NME7: variants seen among roughly 807,000 people sequenced by gnomAD.
The protein encoded by NME7 is nucleoside diphosphate kinase 7.
Under a neutral mutation model 49.1 loss-of-function variants are expected in NME7, and 41 were observed. The observed-to-expected ratio is 0.83, with a 90% CI of 0.65 to 1.08. The LOEUF is 1.08. Among genes scored for constraint, NME7 ranks in the 50% least tolerant of loss-of-function variants. The probability of loss-of-function intolerance (pLI) is 0.00; values close to 1 mark genes in which losing one functional copy is unlikely to be tolerated. For missense variants in NME7, 423 were observed against 463.4 expected (o/e 0.91, Z 0.80); for synonymous variants, 139 against 150.6 (o/e 0.92, Z 0.56).
chr1:169,147,642 T>G (rs867879610), intron 11 of NME7, among the ~76,000 whole-genome samples: 3 of 152,178 alleles, frequency 2.0e-5, no homozygotes, highest in Non-Finnish European at 2.9e-5. Context: ...AAGAAAGAGT[T>G]AATGCAAATA....
At chr1:169,315,712 A>G (rs1651597163) in intron 3 of NME7, among the ~76,000 whole-genome samples, 1 of 152,236 alleles carries the variant, frequency 6.6e-6, no homozygotes, top group Non-Finnish European at 1.5e-5. Context: ...ACAAAAAGAG[A>G]AAAACAAATC....
At chr1:169,146,384 T>C (rs1357267456) in intron 11 of NME7, among the ~76,000 whole-genome samples, 3 of 152,192 alleles carry the variant, frequency 2.0e-5, no homozygotes, top group Non-Finnish European at 2.9e-5. Flanking sequence ...TAAGCAAAAA[T>C]GAATGTATTT....
chr1:169,234,720 G>A (rs1179073759), intron 9 of NME7, among the ~76,000 whole-genome samples: 3 of 152,082 alleles, frequency 2.0e-5, no homozygotes, highest in African/African-American at 7.2e-5. Flanking sequence ...TGACTCTACA[G>A]AGGGGGAAGA....
In NME7 at chr1:169,158,572, C is replaced by T. The variant is rs1023124256; in HGVS notation, c.1098+10875G>A. 2.0e-5 allele frequency among the ~76,000 whole-genome samples: 3 copies of T among 152,172 alleles called. No homozygotes were observed. The East Asian group carries it at 5.8e-4, about 29-fold the overall frequency. ...GGAGCTCATACCAGACCTCCTTAAC[C>T]AGAATCTTCTATAATAGGGCTCTAG... On this transcript the variant is annotated intron_variant, in intron 11 of 11. Transcript: ENST00000367811.
chr1:169,172,136 CAT>C (rs1347250245), intron 10 of NME7, among the ~76,000 whole-genome samples: 1 of 152,120 alleles, frequency 6.6e-6, no homozygotes, highest in Non-Finnish European at 1.5e-5. Flanking sequence ...GCCTTGCATC[CAT>C]ATGTCTGATG....
intron 11 of NME7, among the ~76,000 whole-genome samples, chr1:169,147,913 C>A (rs766565644): frequency 1.3e-5 from 2 of 152,236 alleles, no homozygotes; most frequent in African/African-American, 2.4e-5. Context: ...ACTTCTTTCA[C>A]AATTATCTCA....
At chr1:169,307,164 G>A (rs12026996) in intron 4 of NME7, among the ~76,000 whole-genome samples, 17,871 of 152,228 alleles carry the variant, frequency 0.12, 1,151 homozygotes, top group African/African-American at 0.16. Flanking sequence ...GCTATATCGT[G>A]ACCCTGTGAC....
intron 10 of NME7, among the ~76,000 whole-genome samples, chr1:169,175,620 T>C (rs1293368603): frequency 6.6e-6 from 1 of 152,156 alleles, no homozygotes; most frequent in Admixed American, 6.5e-5. Context: ...ATCAGCATCC[T>C]ATATGCAGTC....
At chr1:169,138,060 C>T (rs1001910359) in intron 11 of NME7, among the ~76,000 whole-genome samples, 1 of 152,168 alleles carries the variant, frequency 6.6e-6, no homozygotes, top group Non-Finnish European at 1.5e-5. Context: ...CCTGTAATCC[C>T]AGCACTTTGG....
At chr1:169,230,424 T>C (rs1330184604) in intron 10 of NME7, among the ~76,000 whole-genome samples, 1 of 152,132 alleles carries the variant, frequency 6.6e-6, no homozygotes, top group Non-Finnish European at 1.5e-5. Flanking sequence ...ATTTCTATTA[T>C]GAAGCTTGCA....
intron 8 of NME7, among the ~76,000 whole-genome samples, chr1:169,237,405 T>C (rs561445606): frequency 6.6e-6 from 1 of 152,188 alleles, no homozygotes; most frequent in South Asian, 2.1e-4. Context: ...TTAAATTAGG[T>C]GTATCATTGA....
chr1:169,171,490 C>T (rs1015495062), intron 10 of NME7, among the ~76,000 whole-genome samples: 21 of 152,106 alleles, frequency 1.4e-4, no homozygotes, highest in African/African-American at 2.9e-4. Flanking sequence ...TGGCCTAGCG[C>T]GGTGGATCAT....
At chr1:169,154,805 A>AG (rs900722080) in intron 11 of NME7, among the ~76,000 whole-genome samples, 1 of 152,042 alleles carries the variant, frequency 6.6e-6, no homozygotes, top group African/African-American at 2.4e-5. Context: ...CTAAAAAAAA[A>AG]AAAAAAATCA....
At chr1:169,271,267 C>T (rs1649482731) in intron 7 of NME7, among the ~76,000 whole-genome samples, 1 of 133,268 alleles carries the variant, frequency 7.5e-6, no homozygotes. Context: ...AAGTTTCTTG[C>T]CCAGAAAGAT....
chr1:169,184,435 C>A (rs1235712164), intron 10 of NME7, among the ~76,000 whole-genome samples: 1 of 152,176 alleles, frequency 6.6e-6, no homozygotes, highest in Admixed American at 6.5e-5. Flanking sequence ...ACCTCAAACA[C>A]AACATGTCCC....
At chr1:169,193,924 G>A (rs1660302038) in intron 10 of NME7, among the ~76,000 whole-genome samples, 1 of 151,712 alleles carries the variant, frequency 6.6e-6, no homozygotes, top group Admixed American at 6.6e-5. Flanking sequence ...AATAGTGAAT[G>A]CAGCCAAAGA....
intron 1 of NME7, among the ~76,000 whole-genome samples, chr1:169,324,724 A>AT: frequency 6.6e-6 from 1 of 152,334 alleles, no homozygotes; most frequent in Non-Finnish European, 1.5e-5. Context: ...AAGATGACTT[A>AT]TGGATTGCTT....
In NME7 at chr1:169,241,358, C is replaced by T. The variant is rs540358626; in HGVS notation, c.755-3671G>A. Among the ~76,000 whole-genome samples the T allele has an allele frequency of 5.9e-5, 9 of 151,884 alleles. No homozygotes were observed. In the East Asian group the frequency reaches 1.7e-3, roughly 29 times the overall value. On this transcript the variant is annotated intron_variant, in intron 7 of 11. Transcript: ENST00000367811. ...GCAGTTTTGTTCACCATCGCTTTTGCACCATCAGTGCAAATGACAACACAT... is the reference window on the plus strand; with the variant it reads ...GCAGTTTTGTTCACCATCGCTTTTGTACCATCAGTGCAAATGACAACACAT...
chr1:169,160,225 T>C (rs1659204866), intron 11 of NME7, among the ~76,000 whole-genome samples: 1 of 152,194 alleles, frequency 6.6e-6, no homozygotes, highest in Non-Finnish European at 1.5e-5. Flanking sequence ...CCATCACATC[T>C]TTCCTTGTTT....
Sources: allele counts gnomAD v4.1 joint callset (sites outside exome capture counted in the v4.1 genomes callset), GRCh38; gene constraint gnomAD v4.1.1; transcripts MANE v1.5; gene names NCBI Gene and HGNC (gene_info 2026-07-23, HGNC 2026-07-21).